The following CTNNA2 variants were observed in gnomAD, a reference collection of about 807,000 sequenced individuals.
The protein encoded by CTNNA2 is catenin alpha-2.
CTNNA2 carries 42 observed loss-of-function variants against 101.0 expected under a neutral mutation model. That is an observed-to-expected ratio of 0.42 (90% confidence interval 0.32 to 0.54). The LOEUF is 0.54. Ranked by LOEUF, CTNNA2 falls within the 20% of genes least tolerant of loss-of-function variation. The pLI, the probability that CTNNA2 is intolerant of heterozygous loss-of-function variation, is 0.14. For synonymous variants in CTNNA2, 450 were observed against 456.4 expected, an observed-to-expected ratio of 0.99 and a Z score of 0.18; for missense variants, 871 against 1,223.1, an observed-to-expected ratio of 0.71 and a Z score of 4.29.
chr2:79,422,273 T>C (rs989447091), intron 4 of CTNNA2, among the ~76,000 whole-genome samples: 1 of 152,114 alleles, frequency 6.6e-6, no homozygotes, highest in African/African-American at 2.4e-5. Flanking sequence ...TAGGAGTTAC[T>C]ATCCCTGCTA....
chr2:80,349,948 A>T (rs1036220640), intron 7 of CTNNA2, among the ~76,000 whole-genome samples: 2 of 152,178 alleles, frequency 1.3e-5, no homozygotes, highest in African/African-American at 2.4e-5. Flanking sequence ...GGCTAAATTG[A>T]AGCTGATTTT....
intron 3 of CTNNA2, among the ~76,000 whole-genome samples, chr2:79,372,453 A>G (rs1044600959): frequency 3.9e-5 from 6 of 152,096 alleles, no homozygotes; most frequent in African/African-American, 1.4e-4. Context: ...CTCTGTGTAT[A>G]TCCTACTCGA....
At chr2:80,566,046 T>C (rs926296969) in intron 12 of CTNNA2, among the ~76,000 whole-genome samples, 2 of 152,218 alleles carry the variant, frequency 1.3e-5, no homozygotes, top group Admixed American at 1.3e-4. Flanking sequence ...TGTGTCCTGC[T>C]AGCTAGTTTT....
chr2:79,553,805 G>T (rs995401951), intron 1 of CTNNA2, among the ~76,000 whole-genome samples: 1 of 152,112 alleles, frequency 6.6e-6, no homozygotes, highest in Non-Finnish European at 1.5e-5. Context: ...TTTGGGTGGG[G>T]ACACAAATAC....
In CTNNA2 at chr2:80,093,908, C is replaced by A. The variant is rs1573053228; in HGVS notation, c.1056+184111C>A. Among the ~76,000 whole-genome samples, 11 of 151,928 alleles carry A rather than the reference C, an allele frequency of 7.2e-5. No individual in the cohort carries two copies. The South Asian group carries it at 2.3e-3, about 32-fold the overall frequency. On this transcript the variant is annotated intron_variant, in intron 7 of 18. Coordinates refer to ENST00000402739, the MANE Select transcript of CTNNA2 (RefSeq NM_001282597.3). ...TCATTGTAGATTCTGGATATTAGCC[C>A]TTTGTCAGATGAGTAGGTTGCAAAA... is the stretch of plus-strand genomic sequence containing the variant.
chr2:80,199,086 C>T (rs1573368453), intron 7 of CTNNA2, among the ~76,000 whole-genome samples: 1 of 142,900 alleles, frequency 7.0e-6, no homozygotes, highest in East Asian at 2.1e-4. Flanking sequence ...GAGGCTGAGA[C>T]AGGAGAATCA....
chr2:80,011,728 A>C (rs866391133), intron 7 of CTNNA2, among the ~76,000 whole-genome samples: 1 of 152,154 alleles, frequency 6.6e-6, no homozygotes, highest in African/African-American at 2.4e-5. Context: ...TAAAGTTGTT[A>C]AGAGTTCTTT....
chr2:79,419,468 G>A (rs1213475959), intron 4 of CTNNA2, among the ~76,000 whole-genome samples: 3 of 152,128 alleles, frequency 2.0e-5, no homozygotes, highest in African/African-American at 7.2e-5. Flanking sequence ...AGAAACTGGA[G>A]TGGATGCTGT....
At chr2:79,478,759 T>G (rs1671078844) in intron 4 of CTNNA2, among the ~76,000 whole-genome samples, 1 of 152,204 alleles carries the variant, frequency 6.6e-6, no homozygotes, top group Non-Finnish European at 1.5e-5. Context: ...CTACCCTTTT[T>G]GGAATCTGCA....
chr2:79,208,145 C>T (rs1465328174), intron 2 of CTNNA2, among the ~76,000 whole-genome samples: 1 of 152,130 alleles, frequency 6.6e-6, no homozygotes, highest in Non-Finnish European at 1.5e-5. Context: ...CTCCAGGCCA[C>T]TTTCCTTTTC....
At chr2:79,954,802 G>GT (rs1450215949) in intron 7 of CTNNA2, among the ~76,000 whole-genome samples, 5 of 152,020 alleles carry the variant, frequency 3.3e-5, no homozygotes, top group Admixed American at 6.6e-5. Flanking sequence ...AGACCTGTGG[G>GT]TTTTTTTCTT....
At chr2:80,485,018 T>C (rs1480134917) in intron 9 of CTNNA2, among the ~76,000 whole-genome samples, 3 of 151,956 alleles carry the variant, frequency 2.0e-5, no homozygotes, top group Non-Finnish European at 4.4e-5. Context: ...ATAATAATAA[T>C]AACAATAATA....
At chr2:80,333,052 ACTGT>A (rs1245053115) in intron 7 of CTNNA2, among the ~76,000 whole-genome samples, 2 of 152,208 alleles carry the variant, frequency 1.3e-5, no homozygotes, top group Admixed American at 6.5e-5. Flanking sequence ...ATTTTCTATG[ACTGT>A]CTATTCATTA....
At chr2:79,833,132 C>T (rs1679054200) in intron 3 of CTNNA2, among the ~76,000 whole-genome samples, 1 of 152,156 alleles carries the variant, frequency 6.6e-6, no homozygotes, top group African/African-American at 2.4e-5. Context: ...TTGAGAATTT[C>T]CTCAAAAGCT....
At chr2:80,000,846 A>G (rs1474106302) in intron 7 of CTNNA2, among the ~76,000 whole-genome samples, 1 of 152,142 alleles carries the variant, frequency 6.6e-6, no homozygotes, top group African/African-American at 2.4e-5. Context: ...TTGAAGAGAA[A>G]AGGCCAACAA....
intron 7 of CTNNA2, among the ~76,000 whole-genome samples, chr2:80,094,062 A>G (rs1281410261): frequency 6.6e-6 from 1 of 152,128 alleles, no homozygotes; most frequent in Non-Finnish European, 1.5e-5. Flanking sequence ...TTGGTGTTTT[A>G]GACATGAAGT....
At chr2:79,313,062 G>A (rs1347087326) in intron 3 of CTNNA2, among the ~76,000 whole-genome samples, 1 of 152,194 alleles carries the variant, frequency 6.6e-6, no homozygotes, top group Non-Finnish European at 1.5e-5. Flanking sequence ...CTGATGTCTA[G>A]AGAAAGAATC....
chr2:79,354,320 A>G (rs774630736), intron 3 of CTNNA2, among the ~76,000 whole-genome samples: 7 of 152,130 alleles, frequency 4.6e-5, no homozygotes, highest in Non-Finnish European at 8.8e-5. Context: ...CCGATGAGTC[A>G]TATGTTTGGC....
intron 16 of CTNNA2, among the ~76,000 whole-genome samples, chr2:80,607,597 G>C (rs984130757): frequency 6.6e-6 from 1 of 151,866 alleles, no homozygotes; most frequent in Non-Finnish European, 1.5e-5. Context: ...TCTTACAGTA[G>C]TCATGAACCA....
Sources: allele counts gnomAD v4.1 joint callset (sites outside exome capture counted in the v4.1 genomes callset), GRCh38; gene constraint gnomAD v4.1.1; transcripts MANE v1.5; gene names NCBI Gene and HGNC (gene_info 2026-07-23, HGNC 2026-07-21).